Variants in METTL25 observed in about 807,000 individuals in gnomAD.
The protein encoded by METTL25 is probable methyltransferase-like protein 25.
In METTL25, 64 loss-of-function variants were observed where a neutral mutation model predicts 71.6. The ratio of observed to expected loss-of-function variants is 0.89; its 90% CI spans 0.73 to 1.10. The LOEUF (loss-of-function observed/expected upper bound fraction) is 1.10. METTL25 is among the 50% of genes least tolerant of loss of function. The pLI, the probability that METTL25 is intolerant of heterozygous loss-of-function variation, is 0.00. For synonymous variants in METTL25, 287 were observed against 250.3 expected, an observed-to-expected ratio of 1.15 and a Z score of -1.38; for missense variants, 807 against 707.0, an observed-to-expected ratio of 1.14 and a Z score of -1.60.
At chr12:82,372,567 G>T (rs1883352037) in intron 1 of METTL25, among the ~76,000 whole-genome samples, 1 of 152,160 alleles carries the variant, frequency 6.6e-6, no homozygotes, top group Non-Finnish European at 1.5e-5. Flanking sequence ...CAAGCTGCAG[G>T]ATAGTATTGT....
At chr12:82,408,663 A>G (rs1189543921) in intron 5 of METTL25, among the ~76,000 whole-genome samples, 1 of 150,994 alleles carries the variant, frequency 6.6e-6, no homozygotes, top group Admixed American at 6.6e-5. Flanking sequence ...GTTCTGGGCT[A>G]TTTAGCAGAA....
At chr12:82,367,467 T>C (rs1882695834) in intron 1 of METTL25, among the ~76,000 whole-genome samples, 1 of 152,230 alleles carries the variant, frequency 6.6e-6, no homozygotes, top group Non-Finnish European at 1.5e-5. Flanking sequence ...CTTCTATAAA[T>C]GACATTATTA....
intron 6 of METTL25, 96 bp from the exon 7 acceptor site, chr12:82,434,595 ATCTT>A (rs1889773238): frequency 1.1e-6 from 1 of 919,384 alleles, no homozygotes; most frequent in African/African-American, 1.7e-5. Context: ...CACATAATTA[ATCTT>A]TCTAAATGTC....
At chr12:82,366,206 C>T (rs1882557054) in intron 1 of METTL25, among the ~76,000 whole-genome samples, 1 of 152,132 alleles carries the variant, frequency 6.6e-6, no homozygotes, top group South Asian at 2.1e-4. Flanking sequence ...GTATATTTCT[C>T]AGTGGAAACT....
chr12:82,405,138 A>G (rs779713144), intron 5 of METTL25, among the ~76,000 whole-genome samples: 1 of 152,142 alleles, frequency 6.6e-6, no homozygotes, highest in Non-Finnish European at 1.5e-5. Context: ...CCTAGCAGCC[A>G]TCACTCTGTA....
At chr12:82,433,289 A>G (rs1331262927) in intron 6 of METTL25, among the ~76,000 whole-genome samples, 1 of 151,596 alleles carries the variant, frequency 6.6e-6, no homozygotes, top group Non-Finnish European at 1.5e-5. Context: ...AGGAAAATTT[A>G]TAAGAAAAAT....
Position 82,472,082 on chromosome 12 carries a change from A to G in METTL25, c.1573-4562A>G, listed in dbSNP as rs75151420. Among the ~76,000 whole-genome samples the G allele has an allele frequency of 3.4e-3, 525 of 152,298 alleles. 4 individuals are homozygous for G. The highest frequency in any genetic ancestry group is 0.012 in the African/African-American group (499 of 41,562). ...CGCAGTTGAGATTCCATTACCTACA[A>G]TCTGTCTTGGGACATTGGGACATTG... is the stretch of plus-strand genomic sequence containing the variant. On this transcript the variant is annotated intron_variant, in intron 9 of 11. Coordinates refer to ENST00000248306, the MANE Select transcript of METTL25 (RefSeq NM_032230.3).
intron 5 of METTL25, among the ~76,000 whole-genome samples, chr12:82,422,676 G>C (rs1262978493): frequency 6.6e-6 from 1 of 152,044 alleles, no homozygotes; most frequent in African/African-American, 2.4e-5. Flanking sequence ...TCTCCCTAAG[G>C]TGATAAGCAA....
chr12:82,397,178 A>C (rs1472832637), intron 3 of METTL25, among the ~76,000 whole-genome samples: 1 of 152,116 alleles, frequency 6.6e-6, no homozygotes, highest in South Asian at 2.1e-4. Context: ...GTGTTTTCCA[A>C]AGTGGTTATA....
chr12:82,387,255 A>C (rs986652820), intron 2 of METTL25, among the ~76,000 whole-genome samples: 1 of 152,066 alleles, frequency 6.6e-6, no homozygotes, highest in Non-Finnish European at 1.5e-5. Flanking sequence ...AGCTACTACA[A>C]ATTCCAAAAT....
intron 9 of METTL25, among the ~76,000 whole-genome samples, chr12:82,462,252 A>G (rs1891930653): frequency 6.6e-6 from 1 of 152,154 alleles, no homozygotes; most frequent in South Asian, 2.1e-4. Context: ...CTCAGTAATG[A>G]TGTCTATGAT....
At chr12:82,369,946 A>G (rs1388147323) in intron 1 of METTL25, among the ~76,000 whole-genome samples, 2 of 152,130 alleles carry the variant, frequency 1.3e-5, no homozygotes, top group African/African-American at 4.8e-5. Context: ...TCCTTTACCT[A>G]GACACAGAGT....
intron 8 of METTL25, among the ~76,000 whole-genome samples, chr12:82,443,292 A>C (rs1375964252): frequency 6.6e-6 from 1 of 152,008 alleles, no homozygotes; most frequent in Non-Finnish European, 1.5e-5. Context: ...GCCAGAGGTG[A>C]GAGGAGTGAA....
intron 1 of METTL25, among the ~76,000 whole-genome samples, chr12:82,385,458 T>G (rs1884890510): frequency 6.6e-6 from 1 of 152,182 alleles, no homozygotes; most frequent in South Asian, 2.1e-4. Context: ...GTGAACGTTT[T>G]GCATACTTCA....
rs373688429 is a variant in METTL25 at position 82,389,832 on chromosome 12, A to G, written c.441A>G (p.Ala147=). The change falls in exon 3 of 12, where the codon GCA becomes GCG. Residue 147 remains alanine, a synonymous_variant. Transcript: ENST00000248306. Reference sequence around the variant, plus strand: ...TTTCATTAGGTGAAAATCAGAAGGCAGTTGAGTTTATGAATATGAAGAAAT... The same window carrying G: ...TTTCATTAGGTGAAAATCAGAAGGCGGTTGAGTTTATGAATATGAAGAAAT... The part of the protein sequence containing the change: ...QNQRIGENQK[A]VEFMNMKKSH... The G allele has an allele frequency of 1.1e-5, 18 of 1,601,152 alleles. No individual in the cohort carries two copies. Among genetic ancestry groups the G allele is most frequent in the Middle Eastern group, 1.7e-4 (1 of 6,014 alleles).
chr12:82,426,532 C>G (rs555930944), intron 5 of METTL25, among the ~76,000 whole-genome samples: 1 of 152,098 alleles, frequency 6.6e-6, no homozygotes, highest in South Asian at 2.1e-4. Context: ...AGAGGGAGCT[C>G]TCTTACACAC....
intron 1 of METTL25, among the ~76,000 whole-genome samples, chr12:82,378,598 G>A (rs1049064163): frequency 3.7e-4 from 56 of 152,156 alleles, no homozygotes; most frequent in African/African-American, 1.3e-3. Context: ...AATGCACAAC[G>A]GGAAAGAAAA....
intron 3 of METTL25, among the ~76,000 whole-genome samples, chr12:82,396,611 ATTC>A (rs1169301722): frequency 3.9e-5 from 6 of 152,024 alleles, no homozygotes; most frequent in African/African-American, 1.4e-4. Context: ...ATAACTTTTT[ATTC>A]TTATTTTTTG....
intron 1 of METTL25, among the ~76,000 whole-genome samples, chr12:82,376,987 C>T (rs982832988): frequency 9.9e-5 from 15 of 152,010 alleles, no homozygotes; most frequent in African/African-American, 3.1e-4. Context: ...GTGGCGGGCA[C>T]CTGTAATCCC....
Sources: gnomAD v4.1 joint callset for allele counts (sites outside exome capture counted in the v4.1 genomes callset) on GRCh38, gnomAD v4.1.1 for gene constraint, MANE v1.5 for transcripts, NCBI Gene and HGNC (gene_info 2026-07-23, HGNC 2026-07-21) for gene names.